DPP10: variants seen among roughly 807,000 people sequenced by gnomAD.
DPP10 encodes the protein dipeptidyl peptidase like 10.
DPP10 carries 33 observed loss-of-function variants against 120.9 expected under a neutral mutation model. The ratio of observed to expected loss-of-function variants is 0.27; its 90% CI spans 0.21 to 0.37. The LOEUF is 0.37. DPP10 is among the 10% of genes least tolerant of loss of function. The probability of loss-of-function intolerance (pLI) is 1.00; values close to 1 mark genes in which losing one functional copy is unlikely to be tolerated. For missense variants in DPP10, 816 were observed against 942.8 expected (o/e 0.87, Z 1.76); for synonymous variants, 337 against 326.1 (o/e 1.03, Z -0.36).
chr2:115,305,718 A>G (rs773575952), intron 1 of DPP10, among the ~76,000 whole-genome samples: 10 of 151,986 alleles, frequency 6.6e-5, no homozygotes, highest in Admixed American at 1.3e-4. Context: ...AGCCTGGGTG[A>G]CAGAGCAAGA....
chr2:115,062,166 G>GTGTGTGTA lies in DPP10; in HGVS notation c.61-247070_61-247069insGTGTATGT, dbSNP rs1335187541. 4.1e-3 allele frequency among the ~76,000 whole-genome samples: 576 copies of GTGTGTGTA among 142,124 alleles called. 1 individual carries two copies. The highest frequency in any genetic ancestry group is 0.014 in the African/African-American group (552 of 38,866). The allele number at this position is 142,124 out of a possible 152,430, so 93.2% of individuals were successfully genotyped here. On this transcript the variant is annotated intron_variant, in intron 1 of 25. Transcript: ENST00000410059. ...TGTGTGTGTGTGTGTGTGTGTGTGT[G>GTGTGTGTA]TGTATGTGTGTGCATGGCTACCAAA...
At position 115,331,789 on chromosome 2, in the gene DPP10, G is replaced by T. The variant is rs561047888; in HGVS notation, c.176-12028G>T. On this transcript the variant is annotated intron_variant, in intron 2 of 25. Coordinates refer to ENST00000410059, the MANE Select transcript of DPP10 (RefSeq NM_020868.6). ...GGATGAAGCCCACTTGATCATGGTG[G>T]ATAAGCTTTTTGATGTGCTGCTGGA... Among the ~76,000 whole-genome samples, 3 of 152,272 alleles carry T rather than the reference G, an allele frequency of 2.0e-5. No homozygotes were observed. The East Asian group carries it at 5.8e-4, about 29-fold the overall frequency.
intron 1 of DPP10, among the ~76,000 whole-genome samples, chr2:115,071,688 A>G (rs139657661): frequency 2.7e-4 from 41 of 152,146 alleles, no homozygotes; most frequent in East Asian, 2.5e-3. Context: ...TTAAAAAAAA[A>G]AAAGTAAACA....
intron 19 of DPP10, among the ~76,000 whole-genome samples, chr2:115,813,206 C>A (rs1686850968): frequency 6.8e-6 from 1 of 146,702 alleles, no homozygotes; most frequent in Non-Finnish European, 1.5e-5. Flanking sequence ...TGGTCTCGAT[C>A]TCCTGACCTC....
intron 1 of DPP10, among the ~76,000 whole-genome samples, chr2:115,043,531 C>T (rs1021811345): frequency 7.9e-5 from 12 of 152,266 alleles, no homozygotes; most frequent in African/African-American, 2.2e-4. Context: ...TGATGCCTAC[C>T]GTAAATAACT....
chr2:115,296,204 G>A (rs1187442090), intron 1 of DPP10, among the ~76,000 whole-genome samples: 2 of 152,036 alleles, frequency 1.3e-5, no homozygotes, highest in Admixed American at 6.6e-5. Context: ...GGTGAAGGAA[G>A]TGCAGTTGGT....
intron 1 of DPP10, chr2:115,233,954 C>A: frequency 1.9e-6 from 1 of 518,380 alleles, no homozygotes; most frequent in South Asian, 1.4e-5. Flanking sequence ...AGTTCTAGAA[C>A]TAAGAGATAA....
chr2:115,094,296 A>G (rs754992463), intron 1 of DPP10, among the ~76,000 whole-genome samples: 32 of 152,188 alleles, frequency 2.1e-4, no homozygotes, highest in Non-Finnish European at 4.6e-4. Context: ...TACTGCAACA[A>G]AAGCTCTGTG....
intron 1 of DPP10, among the ~76,000 whole-genome samples, chr2:114,446,870 T>C (rs1184140466): frequency 6.6e-6 from 1 of 152,146 alleles, no homozygotes; most frequent in Non-Finnish European, 1.5e-5. Context: ...TAAAAGAGGA[T>C]GAAAATCTTA....
chr2:115,527,824 T>A (rs903333314), intron 5 of DPP10, among the ~76,000 whole-genome samples: 17 of 152,066 alleles, frequency 1.1e-4, no homozygotes, highest in African/African-American at 3.9e-4. Flanking sequence ...TCACTACGAA[T>A]CTATCAGAAT....
intron 1 of DPP10, among the ~76,000 whole-genome samples, chr2:114,859,016 CATG>C (rs1277665463): frequency 1.3e-5 from 2 of 151,938 alleles, no homozygotes; most frequent in Non-Finnish European, 2.9e-5. Context: ...TATGCAGTGT[CATG>C]ATAACTAGTT....
chr2:115,173,242 G>C (rs934136271), intron 1 of DPP10, among the ~76,000 whole-genome samples: 1 of 152,130 alleles, frequency 6.6e-6, no homozygotes, highest in African/African-American at 2.4e-5. Flanking sequence ...CACAGATGGT[G>C]CAAATATTTG....
intron 1 of DPP10, among the ~76,000 whole-genome samples, chr2:114,469,365 G>A (rs78441155): frequency 0.011 from 1,608 of 152,286 alleles, 22 homozygotes; most frequent in African/African-American, 0.037. Flanking sequence ...ATTTTTTATT[G>A]TCTAGGTTTT....
intron 1 of DPP10, among the ~76,000 whole-genome samples, chr2:114,794,772 T>C (rs1271885456): frequency 6.6e-6 from 1 of 152,228 alleles, no homozygotes; most frequent in Admixed American, 6.5e-5. Context: ...ATCAGTGCTT[T>C]CCTGGGTTAT....
At chr2:115,718,971 A>G (rs1429756622) in intron 7 of DPP10, among the ~76,000 whole-genome samples, 1 of 152,198 alleles carries the variant, frequency 6.6e-6, no homozygotes, top group East Asian at 1.9e-4. Context: ...TATAATATTG[A>G]TAACTGTTTG....
chr2:114,456,128 G>A (rs779444291), intron 1 of DPP10, among the ~76,000 whole-genome samples: 7 of 152,174 alleles, frequency 4.6e-5, no homozygotes, highest in Non-Finnish European at 8.8e-5. Context: ...TCCTTATCAT[G>A]TATTACTAAT....
chr2:114,804,117 C>T (rs1305423540), intron 1 of DPP10, among the ~76,000 whole-genome samples: 2 of 152,206 alleles, frequency 1.3e-5, no homozygotes, highest in Non-Finnish European at 2.9e-5. Flanking sequence ...GCTGTAGGGG[C>T]TGTGGCTTCA....
At chr2:115,383,685 A>G (rs2066613684) in intron 3 of DPP10, among the ~76,000 whole-genome samples, 1 of 152,136 alleles carries the variant, frequency 6.6e-6, no homozygotes, top group Non-Finnish European at 1.5e-5. Flanking sequence ...TCATTTAAAT[A>G]TATTTAATAA....
intron 1 of DPP10, among the ~76,000 whole-genome samples, chr2:115,207,416 C>CAAAAAAAAAAAAAAAAAAAAAAAAAAAAA (rs57462947): frequency 1.9e-5 from 1 of 52,312 alleles, no homozygotes; most frequent in African/African-American, 6.6e-5. Flanking sequence ...CTTACTGCAC[C>CAAAAAAAAAAAAAAAAAAAAAAAAAAAAA]AAAAAAAAAA....
Sources: allele counts gnomAD v4.1 joint callset (sites outside exome capture counted in the v4.1 genomes callset), GRCh38; gene constraint gnomAD v4.1.1; transcripts MANE v1.5; gene names NCBI Gene and HGNC (gene_info 2026-07-23, HGNC 2026-07-21).